The following GNS variants were observed in gnomAD, a reference collection of about 807,000 sequenced individuals.
The protein encoded by GNS is N-acetylglucosamine-6-sulfatase.
A neutral mutation model predicts 69.7 loss-of-function variants in GNS; 40 were observed. The ratio of observed to expected loss-of-function variants is 0.57; its 90% confidence interval spans 0.45 to 0.75. GNS has a LOEUF of 0.75. Among genes scored for constraint, GNS ranks in the 30% least tolerant of loss-of-function variants. The pLI is 0.00. For missense variants in GNS, 565 were observed against 685.5 expected (o/e 0.82, Z 1.96); for synonymous variants, 243 against 251.6 (o/e 0.97, Z 0.32).
chr12:64,748,985 G>A (rs1869983506), intron 2 of GNS, among the ~76,000 whole-genome samples: 1 of 152,118 alleles, frequency 6.6e-6, no homozygotes. Context: ...TGTCACGCAG[G>A]CTGGAGTGCA....
chr12:64,728,730 CTCTT>C (rs907301606), intron 10 of GNS, among the ~76,000 whole-genome samples: 1 of 152,188 alleles, frequency 6.6e-6, no homozygotes, highest in African/African-American at 2.4e-5. Context: ...TTCCCAACCT[CTCTT>C]TATTTATGGT....
At chr12:64,735,310 T>A (rs1046123216) in intron 9 of GNS, among the ~76,000 whole-genome samples, 3 of 152,208 alleles carry the variant, frequency 2.0e-5, no homozygotes, top group East Asian at 3.8e-4. Flanking sequence ...GGCTACGTGA[T>A]CTTCAGCAAA....
intron 10 of GNS, among the ~76,000 whole-genome samples, chr12:64,726,112 A>G (rs1330629886): frequency 1.3e-5 from 2 of 152,084 alleles, no homozygotes; most frequent in Non-Finnish European, 2.9e-5. Context: ...GGTTAAATGC[A>G]ATTCCAACCA....
intron 9 of GNS, chr12:64,729,350 T>G: frequency 2.9e-6 from 1 of 343,836 alleles, no homozygotes. Flanking sequence ...TTGGGACTGC[T>G]TTGAGTTTGT....
chr12:64,746,772 T>C (rs1458779208), intron 3 of GNS, among the ~76,000 whole-genome samples: 7 of 152,242 alleles, frequency 4.6e-5, no homozygotes, highest in Non-Finnish European at 8.8e-5. Context: ...GCTCTCTTTA[T>C]GACCCATAGC....
chr12:64,752,347 G>A (rs1453907034), intron 2 of GNS, among the ~76,000 whole-genome samples: 1 of 152,170 alleles, frequency 6.6e-6, no homozygotes, highest in African/African-American at 2.4e-5. Flanking sequence ...GGGTGTGTGT[G>A]TTGCTATTTG....
At chr12:64,734,838 C>A (rs55935373) in intron 9 of GNS, among the ~76,000 whole-genome samples, 1 of 152,112 alleles carries the variant, frequency 6.6e-6, no homozygotes, top group Non-Finnish European at 1.5e-5. Context: ...CATGGTGGCT[C>A]GCGCCTGTAA....
At chr12:64,743,060 T>C (rs1355947166) in intron 6 of GNS, 81 bp downstream of exon 6, 4 of 1,078,402 alleles carry the variant, frequency 3.7e-6, no homozygotes, top group Non-Finnish European at 5.8e-6. Context: ...ACCCACTACA[T>C]GGCTCAAAGG....
At chr12:64,739,564 C>CAAAAAAAAAAAAA in intron 7 of GNS, 65 bp from the exon 8 acceptor site, 1 of 296,700 alleles carries the variant, frequency 3.4e-6, no homozygotes, top group African/African-American at 6.0e-5. Context: ...ACTATCTTGC[C>CAAAAAAAAAAAAA]AAAAAAAAAA....
At chr12:64,725,995 C>CAAAAAAAAAAAAAAA (rs34734900) in intron 10 of GNS, among the ~76,000 whole-genome samples, 11 of 49,218 alleles carry the variant, frequency 2.2e-4, no homozygotes, top group Admixed American at 3.4e-4. Flanking sequence ...GACTCTGTCT[C>CAAAAAAAAAAAAAAA]AAAAAAAAAA....
chr12:64,722,756 A>G (rs1869072800), intron 11 of GNS: 1 of 467,310 alleles, frequency 2.1e-6, no homozygotes, highest in Non-Finnish European at 3.9e-6. Context: ...AGAGGAATTG[A>G]TAAGAACACG....
chr12:64,732,445 G>C (rs1869432572), intron 9 of GNS, among the ~76,000 whole-genome samples: 1 of 149,892 alleles, frequency 6.7e-6, no homozygotes, highest in Admixed American at 6.7e-5. Context: ...TGGGATTACA[G>C]GTGTGAACCA....
chr12:64,743,956 T>C (rs1019778742), intron 5 of GNS, among the ~76,000 whole-genome samples: 1 of 152,190 alleles, frequency 6.6e-6, no homozygotes, highest in Non-Finnish European at 1.5e-5. Flanking sequence ...ACTGTATCTA[T>C]CTCCTATAAT....
At chr12:64,745,262 C>T (rs560629922) in intron 4 of GNS, among the ~76,000 whole-genome samples, 19 of 125,592 alleles carry the variant, frequency 1.5e-4, no homozygotes, top group Middle Eastern at 5.9e-3. Context: ...CTTTGTTGCC[C>T]AGACTGGAAT....
intron 13 of GNS, among the ~76,000 whole-genome samples, chr12:64,718,758 G>A (rs1022075438): frequency 1.3e-5 from 2 of 152,264 alleles, no homozygotes; most frequent in African/African-American, 4.8e-5. Flanking sequence ...CAGCCAGGGA[G>A]TACATGGTTA....
At chr12:64,748,871 C>A (rs1869980111) in intron 2 of GNS, among the ~76,000 whole-genome samples, 1 of 152,102 alleles carries the variant, frequency 6.6e-6, no homozygotes, top group African/African-American at 2.4e-5. Flanking sequence ...CACACTCATG[C>A]AAAAATTGGG....
chr12:64,754,826 C>G (rs907967940), intron 1 of GNS, among the ~76,000 whole-genome samples: 1 of 151,354 alleles, frequency 6.6e-6, no homozygotes, highest in African/African-American at 2.4e-5. Context: ...AAGTTCGAGG[C>G]TGCAGTGAGC....
At chr12:64,754,385 C>T (rs752454241) in intron 1 of GNS, among the ~76,000 whole-genome samples, 2 of 152,052 alleles carry the variant, frequency 1.3e-5, no homozygotes, top group African/African-American at 2.4e-5. Context: ...GAGAGCCATG[C>T]GATGAGGAGT....
chr12:64,732,617 C>T (rs1470516658), intron 9 of GNS, among the ~76,000 whole-genome samples: 1 of 151,456 alleles, frequency 6.6e-6, no homozygotes, highest in African/African-American at 2.4e-5. Context: ...CCCGCCACCA[C>T]ACCTGGCTAA....
Sources: allele counts gnomAD v4.1 joint callset (sites outside exome capture counted in the v4.1 genomes callset), GRCh38; gene constraint gnomAD v4.1.1; transcripts MANE v1.5; gene names NCBI Gene and HGNC (gene_info 2026-07-23, HGNC 2026-07-21).